The following SCAI variants were observed in gnomAD, a reference collection of about 807,000 sequenced individuals.
SCAI encodes the protein protein SCAI.
Under a neutral mutation model 92.2 loss-of-function variants are expected in SCAI, and 24 were observed. The ratio of observed to expected loss-of-function variants is 0.26; its 90% confidence interval spans 0.19 to 0.37. The LOEUF is 0.37. SCAI is among the 10% of genes least tolerant of loss of function. The pLI, the probability that SCAI is intolerant of heterozygous loss-of-function variation, is 1.00. For synonymous variants in SCAI, 261 were observed against 258.6 expected, an observed-to-expected ratio of 1.01 and a Z score of -0.09; for missense variants, 450 against 736.2, an observed-to-expected ratio of 0.61 and a Z score of 4.50.
At chr9:125,066,737 GC>G (rs1224532727) in intron 2 of SCAI, among the ~76,000 whole-genome samples, 1 of 152,196 alleles carries the variant, frequency 6.6e-6, no homozygotes, top group Non-Finnish European at 1.5e-5. Flanking sequence ...ACAGGCGTGA[GC>G]CACTGCGCCT....
intron 14 of SCAI, among the ~76,000 whole-genome samples, chr9:124,990,733 G>T (rs1374353531): frequency 2.0e-5 from 3 of 152,144 alleles, no homozygotes; most frequent in African/African-American, 7.2e-5. Flanking sequence ...AAAAATGGTG[G>T]TTAAAAAACA....
At chr9:124,990,844 G>A (rs1481726743) in intron 14 of SCAI, among the ~76,000 whole-genome samples, 1 of 152,092 alleles carries the variant, frequency 6.6e-6, no homozygotes, top group Non-Finnish European at 1.5e-5. Flanking sequence ...AATCTGGAGG[G>A]ATTTCTGAGT....
chr9:125,040,690 G>A (rs971738967), intron 3 of SCAI, among the ~76,000 whole-genome samples: 2 of 151,968 alleles, frequency 1.3e-5, no homozygotes, highest in Non-Finnish European at 2.9e-5. Flanking sequence ...GCAGTGGCAC[G>A]ATCTTGGCTC....
At chr9:125,131,266 G>T (rs949886028) in intron 2 of SCAI, among the ~76,000 whole-genome samples, 1 of 151,764 alleles carries the variant, frequency 6.6e-6, no homozygotes, top group Non-Finnish European at 1.5e-5. Flanking sequence ...AAATTAGCCA[G>T]GCATGATGGG....
chr9:125,101,255 T>C (rs544635170), intron 2 of SCAI, among the ~76,000 whole-genome samples: 3 of 152,312 alleles, frequency 2.0e-5, no homozygotes, highest in East Asian at 1.9e-4. Context: ...GTGATGTGAT[T>C]TGACTGACAT....
chr9:125,064,732 G>C (rs1184946367), intron 2 of SCAI, among the ~76,000 whole-genome samples: 1 of 152,126 alleles, frequency 6.6e-6, no homozygotes, highest in East Asian at 1.9e-4. Flanking sequence ...TGTAACCCCA[G>C]CTACTTGGGA....
intron 2 of SCAI, among the ~76,000 whole-genome samples, chr9:125,121,511 A>G (rs1290078090): frequency 6.6e-6 from 1 of 151,902 alleles, no homozygotes; most frequent in Non-Finnish European, 1.5e-5. Context: ...AGATAATTTA[A>G]TCTAGTGGTT....
chr9:125,136,398 T>C (rs1264248279), intron 2 of SCAI, among the ~76,000 whole-genome samples: 2 of 151,946 alleles, frequency 1.3e-5, no homozygotes, highest in Non-Finnish European at 2.9e-5. Flanking sequence ...CAGGAATTTA[T>C]ATCATTTGAT....
chr9:125,084,680 C>T (rs529193393), intron 2 of SCAI, among the ~76,000 whole-genome samples: 2 of 152,280 alleles, frequency 1.3e-5, no homozygotes, highest in Admixed American at 1.3e-4. Context: ...TTCAGGATTT[C>T]CCTTTCCGTA....
chr9:125,076,631 G>A (rs955807812), intron 2 of SCAI, among the ~76,000 whole-genome samples: 4 of 152,142 alleles, frequency 2.6e-5, no homozygotes, highest in Middle Eastern at 3.2e-3. Flanking sequence ...TTGGGAGGTC[G>A]AGGCAGGCAA....
At chr9:125,073,958 T>A (rs1048184583) in intron 2 of SCAI, among the ~76,000 whole-genome samples, 1 of 151,080 alleles carries the variant, frequency 6.6e-6, no homozygotes, top group Non-Finnish European at 1.5e-5. Context: ...TTTTTTTTTT[T>A]AAACATAGAG....
In SCAI at chr9:125,091,522, G is replaced by T. The variant is rs1229572813; in HGVS notation, c.99-35515C>A. The stretch of plus-strand genomic sequence containing the variant: ...TCACATCACCGACCTCCTAAAAACA[G>T]CTTTCAAAGTGAATATTTAGTTTTA... On this transcript the variant is annotated intron_variant, in intron 2 of 17. Transcript: ENST00000336505. The surrounding 1 kb of genome is among the most constrained non-coding windows in gnomAD (Gnocchi z 4.3). Among the ~76,000 whole-genome samples, 5 of 152,102 alleles carry T rather than the reference G, an allele frequency of 3.3e-5. No individual in the cohort carries two copies. Among genetic ancestry groups the T allele is most frequent in the Non-Finnish European group, 7.4e-5 (5 of 68,022 alleles).
At chr9:125,127,088 C>A (rs1024996310) in intron 2 of SCAI, among the ~76,000 whole-genome samples, 4 of 141,412 alleles carry the variant, frequency 2.8e-5, no homozygotes, top group African/African-American at 9.9e-5. Context: ...CTTCAGAATC[C>A]ACAAAAAGGG....
At position 125,002,005 on chromosome 9, in the gene SCAI, C is replaced by T. The variant is rs778300103; in HGVS notation, c.1104G>A (p.Ser368=). The change falls in exon 12 of 18, where the codon TCG becomes TCA. Residue 368 remains serine (S), a synonymous_variant. Coordinates refer to ENST00000336505, the MANE Select transcript of SCAI (RefSeq NM_001144877.3). ...GACCTGTGGGGAAAACGCCAGTGGC[C>T]GACAGGTAAATCAGAAGCACGCTAT... is the stretch of plus-strand genomic sequence containing the variant. ...PANSVLLIYL[S]ATGVFPTGRS... is the part of the protein sequence containing the mutation. 11 of 1,613,510 alleles carry T rather than the reference C, an allele frequency of 6.8e-6. No homozygotes were observed. Among genetic ancestry groups the T allele is most frequent in the African/African-American group, 6.7e-5 (5 of 74,838 alleles).
chr9:125,066,161 T>C, intron 2 of SCAI: 1 of 578,158 alleles, frequency 1.7e-6, no homozygotes, highest in African/African-American at 1.9e-5. Flanking sequence ...TATATGTAAT[T>C]ATCAGAATTA....
chr9:125,012,473 A>G (rs1440497629), intron 9 of SCAI, among the ~76,000 whole-genome samples: 1 of 152,228 alleles, frequency 6.6e-6, no homozygotes, highest in Non-Finnish European at 1.5e-5. Flanking sequence ...ATTCAACAAG[A>G]GCTAACTAGC....
At chr9:124,986,205 C>T (rs1446891948) in intron 14 of SCAI, among the ~76,000 whole-genome samples, 8 of 150,860 alleles carry the variant, frequency 5.3e-5, no homozygotes, top group African/African-American at 1.2e-4. Flanking sequence ...GCAGGAGAAT[C>T]GTTTGAACCC....
chr9:125,102,933 T>A (rs1170596129), intron 2 of SCAI, among the ~76,000 whole-genome samples: 1 of 151,836 alleles, frequency 6.6e-6, no homozygotes, highest in Non-Finnish European at 1.5e-5. Flanking sequence ...TTAAGTCATC[T>A]CTCTCTTTCT....
chr9:124,960,756 A>AT (rs1831420777), intron 17 of SCAI, among the ~76,000 whole-genome samples: 1 of 152,208 alleles, frequency 6.6e-6, no homozygotes, highest in African/African-American at 2.4e-5. Flanking sequence ...ACACAGATGT[A>AT]TTTCCTCAAA....
Sources: gnomAD v4.1 joint callset for allele counts (sites outside exome capture counted in the v4.1 genomes callset) on GRCh38, gnomAD v4.1.1 for gene constraint, Gnocchi (gnomAD v3.1) non-coding constraint, MANE v1.5 for transcripts, NCBI Gene and HGNC (gene_info 2026-07-23, HGNC 2026-07-21) for gene names.